The following SHROOM4 variants were observed in gnomAD, a reference collection of about 807,000 sequenced individuals.
SHROOM4 encodes the protein protein Shroom4.
A neutral mutation model predicts 80.3 loss-of-function variants in SHROOM4; 17 were observed. The ratio of observed to expected loss-of-function variants is 0.21; its 90% confidence interval spans 0.14 to 0.32. The LOEUF (loss-of-function observed/expected upper bound fraction) is 0.32. SHROOM4 is among the 10% of genes least tolerant of loss of function. The pLI, the probability that SHROOM4 is intolerant of heterozygous loss-of-function variation, is 1.00. For missense variants in SHROOM4, 993 were observed against 1,140.3 expected, an observed-to-expected ratio of 0.87 and a Z score of 1.86; for synonymous variants, 400 against 437.5, an observed-to-expected ratio of 0.91 and a Z score of 1.07.
chrX:50,803,476 T>C (rs138302819), intron 1 of SHROOM4, among the ~76,000 whole-genome samples: 3,460 of 112,112 alleles, frequency 0.031, 129 homozygotes, highest in African/African-American at 0.11. Flanking sequence ...TGTCTGTGTC[T>C]TTAGGACATG....
At position 50,633,721 on chromosome X, in the gene SHROOM4, T is replaced by G. The variant is rs1425105460; in HGVS notation, c.2352A>C (p.Leu784Phe). ...RKFFEESSKSLSTSHLPGLTT... is the reference protein window; with the variant it reads ...RKFFEESSKSFSTSHLPGLTT... ...TTAAACCTGGCAAATGAGATGTAGA[T>G]AAGGATTTGCTACTCTCTTCAAAGA... Residue 784 changes from leucine to phenylalanine, a missense_variant, in exon 4 of 9, where the codon TTA (leucine) becomes TTC (phenylalanine). By Grantham distance (22) the Leu-to-Phe change is conservative (BLOSUM62 0). Coordinates refer to ENST00000376020, the MANE Select transcript of SHROOM4 (RefSeq NM_020717.5). The G allele has an allele frequency of 8.3e-7, 1 of 1,210,397 alleles. No homozygotes were observed. The highest frequency in any genetic ancestry group is 1.7e-5 in the African/African-American group (1 of 57,243).
At chrX:50,684,072 TG>T in intron 2 of SHROOM4, among the ~76,000 whole-genome samples, 1 of 112,239 alleles carries the variant, frequency 8.9e-6, no homozygotes, top group South Asian at 3.7e-4. Context: ...GATGAGAAGT[TG>T]TACTGAGTTG....
chrX:50,633,943 TGAG>T lies in SHROOM4; in HGVS notation c.2127_2129del (p.Ser710del). ...AGTGAGCATGTGCTTTCTCAGGGTC[TGAG>T]GAGGATGGGTCAGGTGCTTTCCACC... On this transcript the variant is annotated inframe_deletion, in exon 4 of 9. Transcript: ENST00000376020. 1.7e-6 allele frequency: 2 copies of T among 1,211,813 alleles called. No individual in the cohort carries two copies. Among genetic ancestry groups the T allele is most frequent in the Non-Finnish European group, 2.2e-6 (2 of 895,519 alleles).
chrX:50,621,773 C>T (rs1930584554), intron 5 of SHROOM4, among the ~76,000 whole-genome samples: 1 of 111,723 alleles, frequency 9.0e-6, no homozygotes, highest in Non-Finnish European at 1.9e-5. Context: ...GTGTACTCTT[C>T]CTAATGAAAT....
In SHROOM4 at chrX:50,635,322, T is replaced by C; in HGVS notation, c.751A>G (p.Ser251Gly). The part of the protein sequence containing the change: ...RRTNGGHLTP[S>G]SQMSSRPQEG... The stretch of plus-strand genomic sequence containing the variant: ...TGTGGACGGGATGACATCTGAGAGC[T>C]GGGGGTCAGGTGGCCCCCATTGGTG... The change falls in exon 4 of 9, where the codon AGC (serine) becomes GGC (glycine). Residue 251 changes from serine (S) to glycine (G), a missense_variant. Ser to Gly is a moderately conservative substitution (Grantham distance 56). Coordinates refer to ENST00000376020, the MANE Select transcript of SHROOM4 (RefSeq NM_020717.5). 1 of 1,202,641 alleles carries C rather than the reference T, an allele frequency of 8.3e-7. No homozygotes were observed. Among genetic ancestry groups the C allele is most frequent in the East Asian group, 3.0e-5 (1 of 33,434 alleles).
At chrX:50,623,949 G>A (rs572096222) in intron 5 of SHROOM4, among the ~76,000 whole-genome samples, 1 of 75,430 alleles carries the variant, frequency 1.3e-5, no homozygotes, top group African/African-American at 4.9e-5. Flanking sequence ...GTCATATGCA[G>A]TGCACAGAAA....
At chrX:50,715,387 G>T (rs78360590) in intron 1 of SHROOM4, among the ~76,000 whole-genome samples, 7 of 111,547 alleles carry the variant, frequency 6.3e-5, no homozygotes, top group African/African-American at 2.3e-4. Flanking sequence ...TGCACTGTTT[G>T]GGGAAACTTA....
rs1557249150 is a variant in SHROOM4, at chrX:50,608,175, A to C, written c.2967T>G (p.Ala989=). Residue 989 remains alanine (A), a synonymous_variant, in exon 6 of 9, where the codon GCT becomes GCG. Transcript: ENST00000376020. ...RKTSQSGREM[A]HSKTSFSWAT... is the part of the protein sequence containing the mutation. ...CCCATGAAAAGCTAGTCTTGGAATGAGCCATTTCCCTGCAAAACATCAGAT... is the reference window on the plus strand; with the variant it reads ...CCCATGAAAAGCTAGTCTTGGAATGCGCCATTTCCCTGCAAAACATCAGAT... 1 of 1,211,912 alleles carries C rather than the reference A, an allele frequency of 8.3e-7. No homozygotes were observed. Among genetic ancestry groups the C allele is most frequent in the South Asian group, 1.8e-5 (1 of 56,895 alleles).
chrX:50,599,037 C>T (rs868979467), intron 7 of SHROOM4, among the ~76,000 whole-genome samples: 3 of 57,868 alleles, frequency 5.2e-5, no homozygotes, highest in African/African-American at 1.0e-4. Context: ...TGTGTGTGTA[C>T]TTTTAGTAGA....
intron 4 of SHROOM4, among the ~76,000 whole-genome samples, chrX:50,632,228 G>T (rs557747450): frequency 8.9e-5 from 10 of 112,285 alleles, no homozygotes; most frequent in Non-Finnish European, 1.7e-4. Flanking sequence ...CATATAAAAG[G>T]AATTGTAGAG....
At chrX:50,727,405 T>G (rs146980917) in intron 1 of SHROOM4, among the ~76,000 whole-genome samples, 3,333 of 111,303 alleles carry the variant, frequency 0.03, 53 homozygotes, top group Middle Eastern at 0.069. Context: ...GGACATGAGA[T>G]TTGGGAGGGG....
chrX:50,773,999 A>AT (rs1935451593), intron 1 of SHROOM4, among the ~76,000 whole-genome samples: 1 of 112,047 alleles, frequency 8.9e-6, no homozygotes, highest in Non-Finnish European at 1.9e-5. Flanking sequence ...TAACCTGATG[A>AT]TGGTGACACC....
chrX:50,660,893 A>T (rs1932486696), intron 2 of SHROOM4, among the ~76,000 whole-genome samples: 1 of 110,172 alleles, frequency 9.1e-6, no homozygotes. Flanking sequence ...TTGGAATTAC[A>T]GGCATGAGAC....
At chrX:50,638,542 C>A (rs952318828) in intron 2 of SHROOM4, among the ~76,000 whole-genome samples, 1 of 112,250 alleles carries the variant, frequency 8.9e-6, no homozygotes, top group South Asian at 3.7e-4. Flanking sequence ...ATCCTGAGCA[C>A]GTATCACAGT....
At chrX:50,649,398 G>A (rs1408946277) in intron 2 of SHROOM4, among the ~76,000 whole-genome samples, 1 of 111,843 alleles carries the variant, frequency 8.9e-6, no homozygotes, top group Non-Finnish European at 1.9e-5. Context: ...GTATGCAAAG[G>A]AGACGGGGGA....
At chrX:50,652,399 T>C (rs1226480888) in intron 2 of SHROOM4, among the ~76,000 whole-genome samples, 2 of 112,290 alleles carry the variant, frequency 1.8e-5, no homozygotes, top group Admixed American at 9.4e-5. Flanking sequence ...TCTGTTCATA[T>C]CCTTCACCTA....
chrX:50,801,944 A>C (rs1248138943), intron 1 of SHROOM4, among the ~76,000 whole-genome samples: 7 of 112,313 alleles, frequency 6.2e-5, no homozygotes, highest in Non-Finnish European at 1.1e-4. Flanking sequence ...GAGTTAATTT[A>C]GACCAGGTTG....
In SHROOM4 at chrX:50,783,905, C is replaced by A. The variant is rs188904179; in HGVS notation, c.117+29997G>T. Among the ~76,000 whole-genome samples the A allele has an allele frequency of 4.1e-3, 464 of 111,819 alleles. 1 individual carries two copies. The highest frequency in any genetic ancestry group is 7.0e-3 in the Non-Finnish European group (372 of 53,153). ...TCTAAACTTTATATAAAAATTCAAA[C>A]AAGGAATAGCCAAAACACCTTTAAA... On this transcript the variant is annotated intron_variant, in intron 1 of 8. Transcript: ENST00000376020.
intron 2 of SHROOM4, among the ~76,000 whole-genome samples, chrX:50,695,099 G>T (rs1367256296): frequency 9.0e-6 from 1 of 110,843 alleles, no homozygotes; most frequent in Non-Finnish European, 1.9e-5. Context: ...CCTTCCTTCT[G>T]CTTATGCCAC....
Sources: gnomAD v4.1 joint callset for allele counts (sites outside exome capture counted in the v4.1 genomes callset) on GRCh38, gnomAD v4.1.1 for gene constraint, MANE v1.5 for transcripts, NCBI Gene and HGNC (gene_info 2026-07-23, HGNC 2026-07-21) for gene names.